ATL2: variants seen among roughly 807,000 people sequenced by gnomAD.
The protein encoded by ATL2 is atlastin-2.
Under a neutral mutation model 73.9 loss-of-function variants are expected in ATL2, and 31 were observed. The observed-to-expected ratio is 0.42, with a 90% CI of 0.32 to 0.57. The LOEUF (loss-of-function observed/expected upper bound fraction) is 0.57. Among genes scored for constraint, ATL2 ranks in the 20% least tolerant of loss-of-function variants. The pLI is 0.14. For synonymous variants in ATL2, 291 were observed against 237.5 expected (o/e 1.23, Z -2.07); for missense variants, 738 against 702.6 (o/e 1.05, Z -0.57).
chr2:38,334,899 TTA>T (rs1669239812), intron 2 of ATL2, among the ~76,000 whole-genome samples: 1 of 112,704 alleles, frequency 8.9e-6, no homozygotes, highest in African/African-American at 4.3e-5. Context: ...ATAATATATA[TTA>T]TTTATAATAT....
chr2:38,296,050 T>A lies in ATL2; in HGVS notation c.1696A>T (p.Ile566Phe), dbSNP rs1172732635. The A allele has an allele frequency of 1.3e-6, 2 of 1,551,768 alleles. No homozygotes were observed. Among genetic ancestry groups the A allele is most frequent in the African/African-American group, 2.7e-5 (2 of 73,176 alleles). The change falls in exon 13 of 13, where the codon ATC becomes TTC. Residue 566 changes from isoleucine to phenylalanine, a missense_variant. Transcript: ENST00000378954. The stretch of plus-strand genomic sequence containing the variant: ...ACCTGGTCAGTCAGGCCTGCTTTGA[T>A]AGAGTTTGTTACAGACTGCCTTATG... ...ENIRQSVTNS[I>F]KAGLTDQVSH...
intron 1 of ATL2, among the ~76,000 whole-genome samples, chr2:38,375,503 T>A (rs935397554): frequency 6.6e-6 from 1 of 152,140 alleles, no homozygotes; most frequent in Non-Finnish European, 1.5e-5. Flanking sequence ...CTGAAGAGTA[T>A]CATCTCTTCT....
intron 2 of ATL2, among the ~76,000 whole-genome samples, chr2:38,322,689 T>TA (rs200432695): frequency 0.013 from 2,042 of 151,554 alleles, 42 homozygotes; most frequent in African/African-American, 0.043. Context: ...TGGAAATGTT[T>TA]AAAAAAAAAT....
At chr2:38,338,835 CA>C (rs1414908924) in intron 2 of ATL2, among the ~76,000 whole-genome samples, 1 of 152,132 alleles carries the variant, frequency 6.6e-6, no homozygotes. Context: ...GTATTCTTTC[CA>C]AAATCCCATC....
chr2:38,321,748 T>C (rs1419089452), intron 2 of ATL2, among the ~76,000 whole-genome samples: 1 of 152,120 alleles, frequency 6.6e-6, no homozygotes, highest in African/African-American at 2.4e-5. Flanking sequence ...GGTCTCACTC[T>C]GTCACCCAGG....
rs564346833 is a variant in ATL2 at position 38,296,932 on chromosome 2, T to C, written c.1633-819A>G. 2.4e-4 allele frequency among the ~76,000 whole-genome samples: 37 copies of C among 152,360 alleles called. No homozygotes were observed. The South Asian group carries it at 7.2e-3, about 30-fold the overall frequency. ...AAGATATTGTACAATTATTGAAAAT[T>C]ATATTGCAGAAAATGATCCAAAATT... On this transcript the variant is annotated intron_variant, in intron 12 of 12. Transcript: ENST00000378954.
At chr2:38,301,769 T>A (rs947236088) in intron 9 of ATL2, among the ~76,000 whole-genome samples, 1 of 152,200 alleles carries the variant, frequency 6.6e-6, no homozygotes, top group Non-Finnish European at 1.5e-5. Flanking sequence ...AGGACTGCAA[T>A]TCCTGGGCAG....
intron 7 of ATL2, among the ~76,000 whole-genome samples, chr2:38,312,645 G>T (rs1016669273): frequency 5.3e-5 from 8 of 150,664 alleles, no homozygotes; most frequent in African/African-American, 2.0e-4. Flanking sequence ...GGAAGCGGAG[G>T]TTGCAGTGAG....
At chr2:38,362,693 AT>A (rs1437875440) in intron 1 of ATL2, among the ~76,000 whole-genome samples, 3 of 152,250 alleles carry the variant, frequency 2.0e-5, no homozygotes, top group Non-Finnish European at 2.9e-5. Context: ...AGAACTACAG[AT>A]TCAGTAGTAA....
intron 10 of ATL2, among the ~76,000 whole-genome samples, chr2:38,299,545 G>C (rs557710234): frequency 6.6e-6 from 1 of 152,280 alleles, no homozygotes; most frequent in Admixed American, 6.5e-5. Flanking sequence ...TGCTTAGGTT[G>C]ATGTTAAAGT....
At chr2:38,340,865 A>G (rs1669673033) in intron 2 of ATL2, among the ~76,000 whole-genome samples, 1 of 152,250 alleles carries the variant, frequency 6.6e-6, no homozygotes, top group African/African-American at 2.4e-5. Context: ...ATGAAAGCCA[A>G]TAAAGACATT....
At chr2:38,300,525 G>A (rs1400749689) in intron 9 of ATL2, 197 bp from the exon 10 acceptor site, 2 of 423,496 alleles carry the variant, frequency 4.7e-6, no homozygotes, top group East Asian at 3.4e-5. Context: ...TAATATCCTA[G>A]GTATTTCTAT....
chr2:38,329,756 G>C (rs779501799), intron 2 of ATL2, among the ~76,000 whole-genome samples: 2 of 152,122 alleles, frequency 1.3e-5, no homozygotes, highest in Non-Finnish European at 2.9e-5. Flanking sequence ...CCATGATCAA[G>C]TGGGATTTAC....
At chr2:38,337,977 C>T (rs1669470735) in intron 2 of ATL2, among the ~76,000 whole-genome samples, 1 of 152,048 alleles carries the variant, frequency 6.6e-6, no homozygotes, top group African/African-American at 2.4e-5. Context: ...TTATATAATT[C>T]TACTAAATTA....
intron 9 of ATL2, among the ~76,000 whole-genome samples, chr2:38,308,059 G>C (rs1386617152): frequency 6.6e-6 from 1 of 151,094 alleles, no homozygotes; most frequent in Non-Finnish European, 1.5e-5. Context: ...TTCCTCAAAA[G>C]ACTAAAAATA....
intron 9 of ATL2, among the ~76,000 whole-genome samples, chr2:38,304,907 G>A (rs1667368857): frequency 6.6e-6 from 1 of 152,142 alleles, no homozygotes; most frequent in Non-Finnish European, 1.5e-5. Context: ...CAAAATGACA[G>A]AGGTTAACTC....
chr2:38,317,323 T>C (rs1334738209), intron 4 of ATL2, among the ~76,000 whole-genome samples: 1 of 152,216 alleles, frequency 6.6e-6, no homozygotes, highest in Admixed American at 6.5e-5. Context: ...TAATTCATTT[T>C]TCAGAGATGT....
chr2:38,358,918 G>GA (rs1261058093), intron 1 of ATL2, among the ~76,000 whole-genome samples: 3 of 151,696 alleles, frequency 2.0e-5, no homozygotes, highest in African/African-American at 7.2e-5. Context: ...TTTTTTGAAG[G>GA]AAAAAAACAG....
In ATL2 at chr2:38,334,685, C is replaced by T. The variant is rs144803720; in HGVS notation, c.363+8583G>A. On this transcript the variant is annotated intron_variant, in intron 2 of 12. Transcript: ENST00000378954. Reference sequence around the variant, plus strand: ...TGCACTCCAGCCTGGGCAACATGAACGAAACTCCGTCTCAAACAAACAAAC... The same window carrying T: ...TGCACTCCAGCCTGGGCAACATGAATGAAACTCCGTCTCAAACAAACAAAC... 6.8e-3 allele frequency among the ~76,000 whole-genome samples: 1,028 copies of T among 150,820 alleles called. 13 individuals are homozygous for T. Among genetic ancestry groups the T allele is most frequent in the East Asian group, 0.056 (284 of 5,036 alleles).
Sources: gnomAD v4.1 joint callset for allele counts (sites outside exome capture counted in the v4.1 genomes callset) on GRCh38, gnomAD v4.1.1 for gene constraint, MANE v1.5 for transcripts, NCBI Gene and HGNC (gene_info 2026-07-23, HGNC 2026-07-21) for gene names.